The following ATP8B4 variants were observed in gnomAD, a reference collection of about 807,000 sequenced individuals.
ATP8B4 encodes probable phospholipid-transporting ATPase IM.
A neutral mutation model predicts 145.6 loss-of-function variants in ATP8B4; 133 were observed. That is an observed-to-expected ratio of 0.91 (90% confidence interval 0.79 to 1.05). The LOEUF (loss-of-function observed/expected upper bound fraction) is 1.05. Among genes scored for constraint, ATP8B4 ranks in the 50% least tolerant of loss-of-function variants. The pLI, the probability that ATP8B4 is intolerant of heterozygous loss-of-function variation, is 0.00. For synonymous variants in ATP8B4, 507 were observed against 492.9 expected (o/e 1.03, Z -0.38); for missense variants, 1,458 against 1,425.2 (o/e 1.02, Z -0.37).
At chr15:50,125,374 G>A (rs2057300433) in intron 1 of ATP8B4, among the ~76,000 whole-genome samples, 2 of 152,290 alleles carry the variant, frequency 1.3e-5, no homozygotes, top group South Asian at 4.1e-4. Context: ...AGGTCACTGG[G>A]TGTGAAAATT....
intron 13 of ATP8B4, among the ~76,000 whole-genome samples, chr15:49,964,471 G>A (rs2044354747): frequency 6.6e-6 from 1 of 152,146 alleles, no homozygotes; most frequent in South Asian, 2.1e-4. Context: ...AGAAGATTTA[G>A]ATAAATTAAA....
At chr15:49,877,531 T>C (rs1184824863) in intron 24 of ATP8B4, among the ~76,000 whole-genome samples, 1 of 152,138 alleles carries the variant, frequency 6.6e-6, no homozygotes, top group Non-Finnish European at 1.5e-5. Flanking sequence ...ATATTCTCTT[T>C]AGAAAGTCCT....
chr15:49,865,677 C>A (rs1189529950), intron 26 of ATP8B4, among the ~76,000 whole-genome samples: 1 of 152,186 alleles, frequency 6.6e-6, no homozygotes, highest in Non-Finnish European at 1.5e-5. Flanking sequence ...CCCTACTTCT[C>A]GATGACCAGA....
intron 9 of ATP8B4, among the ~76,000 whole-genome samples, chr15:49,996,286 C>G (rs2047419254): frequency 6.6e-6 from 1 of 152,126 alleles, no homozygotes; most frequent in African/African-American, 2.4e-5. Flanking sequence ...TTTGAGGTCT[C>G]CTAGTTAGTC....
chr15:49,971,432 C>A (rs550738201), intron 13 of ATP8B4, among the ~76,000 whole-genome samples: 1 of 151,990 alleles, frequency 6.6e-6, no homozygotes, highest in East Asian at 1.9e-4. Context: ...AAGATAAAAA[C>A]AAACAACCCC....
In ATP8B4 at chr15:49,897,520, A is replaced by G. The variant is rs2037534812; in HGVS notation, c.2474-5T>C. On this transcript the variant is annotated splice_region_variant and splice_polypyrimidine_tract_variant and intron_variant, in intron 22 of 27. Coordinates refer to ENST00000284509, the MANE Select transcript of ATP8B4 (RefSeq NM_024837.4). ...TGCCAACACCAATGTGAGCACCTAC[A>G]AAGGAAAGAGGAACACTGTCACTCC... 1 of 1,521,144 alleles carries G rather than the reference A, an allele frequency of 6.6e-7. No individual in the cohort carries two copies. The highest frequency in any genetic ancestry group is 2.3e-5 in the East Asian group (1 of 43,898). 94.2% of individuals were successfully genotyped at this position (1,521,144 alleles called of 1,614,324 possible).
At position 49,858,336 on chromosome 15, in the gene ATP8B4, T is replaced by C. The variant is rs989343297; in HGVS notation, c.*1858A>G. The C allele has an allele frequency of 1.3e-5, 2 of 152,220 alleles. No individual in the cohort carries two copies. Among genetic ancestry groups the C allele is most frequent in the African/African-American group, 4.8e-5 (2 of 41,450 alleles). The allele number at this position is 152,220 out of a possible 1,614,324, so 9.4% of individuals were successfully genotyped here. A position where few individuals can be genotyped will look rare whatever the true frequency, so the allele number is the denominator to read the frequency against. On this transcript the variant is annotated 3_prime_UTR_variant, in exon 28 of 28. Coordinates refer to ENST00000284509, the MANE Select transcript of ATP8B4 (RefSeq NM_024837.4). ...GTGAAACTAATGACAAATTAGACATTGAAAACCAACATCTGGTTAAGTGTA... is the reference window on the plus strand; with the variant it reads ...GTGAAACTAATGACAAATTAGACATCGAAAACCAACATCTGGTTAAGTGTA...
At chr15:50,097,844 G>C (rs1476681022) in intron 2 of ATP8B4, among the ~76,000 whole-genome samples, 2 of 152,174 alleles carry the variant, frequency 1.3e-5, no homozygotes, top group Admixed American at 1.3e-4. Context: ...TATGAATTCA[G>C]TACTAACATT....
chr15:49,874,663 T>C (rs186023584), intron 25 of ATP8B4, among the ~76,000 whole-genome samples: 45 of 152,322 alleles, frequency 3.0e-4, no homozygotes, highest in Admixed American at 2.9e-3. Flanking sequence ...TATATCATTC[T>C]TATAAAACTT....
intron 2 of ATP8B4, among the ~76,000 whole-genome samples, chr15:50,080,349 A>G (rs1422950844): frequency 6.6e-6 from 1 of 152,194 alleles, no homozygotes; most frequent in African/African-American, 2.4e-5. Context: ...ACATTTATCA[A>G]AAAGAATAAC....
intron 1 of ATP8B4, among the ~76,000 whole-genome samples, chr15:50,153,342 C>T (rs1203933129): frequency 1.4e-5 from 2 of 143,704 alleles, no homozygotes; most frequent in Non-Finnish European, 3.0e-5. Flanking sequence ...AAAGATACAC[C>T]TTTTTTTTTT....
intron 3 of ATP8B4, among the ~76,000 whole-genome samples, chr15:50,055,144 G>A (rs542388661): frequency 1.3e-5 from 2 of 152,224 alleles, no homozygotes; most frequent in African/African-American, 4.8e-5. Flanking sequence ...CAGCAACTTG[G>A]GGCTATGAGT....
At chr15:50,126,689 C>A (rs9920455) in intron 1 of ATP8B4, among the ~76,000 whole-genome samples, 1 of 152,070 alleles carries the variant, frequency 6.6e-6, no homozygotes, top group African/African-American at 2.4e-5. Flanking sequence ...ATTGAAGAAA[C>A]GCAAGATTTT....
intron 2 of ATP8B4, among the ~76,000 whole-genome samples, chr15:50,085,557 T>C (rs1335363856): frequency 6.6e-6 from 1 of 151,952 alleles, no homozygotes; most frequent in African/African-American, 2.4e-5. Context: ...CATGATCACA[T>C]CCTACGGCAC....
chr15:49,972,946 T>C (rs1314398115), intron 12 of ATP8B4, among the ~76,000 whole-genome samples, 156 bp from the exon 13 acceptor site: 1 of 152,188 alleles, frequency 6.6e-6, no homozygotes, highest in Non-Finnish European at 1.5e-5. Flanking sequence ...CAGAAGCTTC[T>C]CAACAGAGTC....
chr15:49,952,990 G>A (rs1167867433), intron 14 of ATP8B4, among the ~76,000 whole-genome samples: 1 of 151,992 alleles, frequency 6.6e-6, no homozygotes, highest in Non-Finnish European at 1.5e-5. Context: ...GCAGTTTGCT[G>A]GGGGTTCACT....
intron 5 of ATP8B4, among the ~76,000 whole-genome samples, chr15:50,039,753 A>G (rs2051127918): frequency 6.6e-6 from 1 of 152,166 alleles, no homozygotes; most frequent in African/African-American, 2.4e-5. Context: ...GTTGTGTCAA[A>G]ATCACAAAAT....
chr15:50,038,346 A>G (rs1200391130), intron 6 of ATP8B4, among the ~76,000 whole-genome samples: 1 of 152,248 alleles, frequency 6.6e-6, no homozygotes, highest in Admixed American at 6.5e-5. Flanking sequence ...CTATCAAGTG[A>G]ATACAAAATT....
chr15:49,934,570 G>A (rs1400784252), intron 14 of ATP8B4, among the ~76,000 whole-genome samples: 2 of 152,066 alleles, frequency 1.3e-5, no homozygotes, highest in Non-Finnish European at 2.9e-5. Context: ...GGAATGTTAT[G>A]TATTTAATGA....
Sources: gnomAD v4.1 joint callset for allele counts (sites outside exome capture counted in the v4.1 genomes callset) on GRCh38, gnomAD v4.1.1 for gene constraint, MANE v1.5 for transcripts, NCBI Gene and HGNC (gene_info 2026-07-23, HGNC 2026-07-21) for gene names.